The following AK4 variants were observed in gnomAD, a reference collection of about 807,000 sequenced individuals.
AK4 encodes the protein adenylate kinase 4.
A neutral mutation model predicts 24.6 loss-of-function variants in AK4; 13 were observed. The ratio of observed to expected loss-of-function variants is 0.53; its 90% CI spans 0.34 to 0.84. The LOEUF is 0.84. Among genes scored for constraint, AK4 ranks in the 40% least tolerant of loss-of-function variants. The probability of loss-of-function intolerance (pLI) is 0.01; values close to 1 mark genes in which losing one functional copy is unlikely to be tolerated. For synonymous variants in AK4, 88 were observed against 107.0 expected, an observed-to-expected ratio of 0.82 and a Z score of 1.10; for missense variants, 192 against 288.2, an observed-to-expected ratio of 0.67 and a Z score of 2.42.
intron 2 of AK4, among the ~76,000 whole-genome samples, chr1:65,216,885 GAGATGGGTT>G (rs1652149654): frequency 8.1e-6 from 1 of 124,028 alleles, no homozygotes; most frequent in African/African-American, 5.5e-5. Flanking sequence ...ATTTTTGGTA[GAGATGGGTT>G]CTCTCTACAT....
intron 1 of AK4, among the ~76,000 whole-genome samples, chr1:65,176,229 C>T (rs2101018118): frequency 6.6e-6 from 1 of 152,280 alleles, no homozygotes; most frequent in South Asian, 2.1e-4. Flanking sequence ...CTCCCCTACC[C>T]AAAGTCATGG....
chr1:65,225,667 C>T (rs1652432190), intron 4 of AK4, among the ~76,000 whole-genome samples: 1 of 152,098 alleles, frequency 6.6e-6, no homozygotes, highest in Admixed American at 6.6e-5. Context: ...ACCTTAAGAT[C>T]AGAGTTTTAT....
At chr1:65,181,155 G>A (rs754629585) in intron 1 of AK4, among the ~76,000 whole-genome samples, 2 of 150,404 alleles carry the variant, frequency 1.3e-5, no homozygotes, top group Non-Finnish European at 2.9e-5. Context: ...ATGTGTGGGT[G>A]TGTGGGTGCT....
At chr1:65,163,956 T>A (rs1650251352) in intron 1 of AK4, among the ~76,000 whole-genome samples, 1 of 152,104 alleles carries the variant, frequency 6.6e-6, no homozygotes, top group Non-Finnish European at 1.5e-5. Flanking sequence ...TGGTGTCAGC[T>A]GATCCAGTGA....
intron 1 of AK4, among the ~76,000 whole-genome samples, chr1:65,170,380 AC>A (rs1411367108): frequency 3.3e-5 from 5 of 149,536 alleles, no homozygotes; most frequent in African/African-American, 1.2e-4. Flanking sequence ...ACACACACAC[AC>A]ACACACAAAA....
chr1:65,215,510 G>A (rs868617952), intron 2 of AK4, among the ~76,000 whole-genome samples: 1 of 152,098 alleles, frequency 6.6e-6, no homozygotes, highest in East Asian at 1.9e-4. Context: ...TGATTTTGAT[G>A]TGCTCATCAA....
chr1:65,161,106 T>TA (rs1557439203), intron 1 of AK4, among the ~76,000 whole-genome samples: 3 of 151,932 alleles, frequency 2.0e-5, no homozygotes, highest in Non-Finnish European at 2.9e-5. Context: ...CATTTTTTTT[T>TA]AAAAAACCTA....
chr1:65,208,780 G>A (rs928456630), intron 2 of AK4, among the ~76,000 whole-genome samples: 13 of 152,128 alleles, frequency 8.5e-5, no homozygotes, highest in African/African-American at 2.7e-4. Context: ...GAGTGAATGC[G>A]CTCCAAATTA....
chr1:65,197,798 T>G (rs1651530054), intron 2 of AK4, among the ~76,000 whole-genome samples: 1 of 152,200 alleles, frequency 6.6e-6, no homozygotes, highest in Non-Finnish European at 1.5e-5. Context: ...AACTCTGACC[T>G]TATCCTCTCC....
At chr1:65,187,342 C>T (rs192758187) in intron 1 of AK4, among the ~76,000 whole-genome samples, 1,759 of 119,442 alleles carry the variant, frequency 0.015, 42 homozygotes, top group African/African-American at 0.061. Flanking sequence ...AGCGAGACTC[C>T]GTCTCAAAAA....
At chr1:65,168,911 A>G (rs1248954666) in intron 1 of AK4, among the ~76,000 whole-genome samples, 1 of 152,180 alleles carries the variant, frequency 6.6e-6, no homozygotes, top group African/African-American at 2.4e-5. Context: ...GTAGTGGCCC[A>G]TGGCTGTAAT....
chr1:65,183,650 CGTGTGTGTGTGTGTGT>C (rs56067788), intron 1 of AK4, among the ~76,000 whole-genome samples: 59 of 140,810 alleles, frequency 4.2e-4, no homozygotes, highest in African/African-American at 9.6e-4. Context: ...TATAAATATC[CGTGTGTGTGTGTGTGT>C]GTGTGTGTGT....
intron 1 of AK4, among the ~76,000 whole-genome samples, chr1:65,152,027 T>C (rs894433095): frequency 6.6e-6 from 1 of 150,536 alleles, no homozygotes; most frequent in Non-Finnish European, 1.5e-5. Context: ...TATGCACATG[T>C]ATGTATGAGT....
chr1:65,223,993 A>AAAAT (rs74667180), intron 3 of AK4, among the ~76,000 whole-genome samples: 42,102 of 151,616 alleles, frequency 0.28, 6,675 homozygotes, highest in East Asian at 0.69. Flanking sequence ...ACTCCGTCTT[A>AAAAT]AAATAAATAA....
chr1:65,174,020 G>A (rs963800435), intron 1 of AK4, among the ~76,000 whole-genome samples: 1 of 152,088 alleles, frequency 6.6e-6, no homozygotes, highest in Non-Finnish European at 1.5e-5. Context: ...GCCACTGCCT[G>A]CCCCTCCCCT....
chr1:65,219,893 A>C (rs977184609), intron 3 of AK4, among the ~76,000 whole-genome samples: 1 of 152,154 alleles, frequency 6.6e-6, no homozygotes, highest in African/African-American at 2.4e-5. Flanking sequence ...TGCTCTACCT[A>C]TTAATTCCTC....
chr1:65,148,575 GC>G, intron 1 of AK4, 23 bp downstream of exon 1: 7 of 1,581,238 alleles, frequency 4.4e-6, no homozygotes, highest in Non-Finnish European at 5.2e-6. Context: ...GGGGACGAGG[GC>G]CGGGGGCGAG....
intron 1 of AK4, among the ~76,000 whole-genome samples, chr1:65,173,159 C>T (rs749458636): frequency 2.0e-5 from 3 of 151,966 alleles, no homozygotes; most frequent in South Asian, 2.1e-4. Flanking sequence ...TCACTGCGCC[C>T]GGCCTAGCAA....
intron 1 of AK4, among the ~76,000 whole-genome samples, chr1:65,156,179 A>T (rs1229767749): frequency 6.6e-6 from 1 of 152,198 alleles, no homozygotes; most frequent in Non-Finnish European, 1.5e-5. Context: ...GTACATGCAG[A>T]TAGTAAAATT....
Sources: allele counts gnomAD v4.1 joint callset (sites outside exome capture counted in the v4.1 genomes callset), GRCh38; gene constraint gnomAD v4.1.1; transcripts MANE v1.5; gene names NCBI Gene and HGNC (gene_info 2026-07-23, HGNC 2026-07-21).